The following RABEP1 variants were observed in gnomAD, a reference collection of about 807,000 sequenced individuals.
RABEP1 encodes rab GTPase-binding effector protein 1.
Under a neutral mutation model 123.4 loss-of-function variants are expected in RABEP1, and 51 were observed. The ratio of observed to expected loss-of-function variants is 0.41; its 90% CI spans 0.33 to 0.52. RABEP1 has a LOEUF of 0.52. Among genes scored for constraint, RABEP1 ranks in the 20% least tolerant of loss-of-function variants. RABEP1 has a pLI of 0.16. For synonymous variants in RABEP1, 347 were observed against 355.2 expected, an observed-to-expected ratio of 0.98 and a Z score of 0.26; for missense variants, 888 against 996.3, an observed-to-expected ratio of 0.89 and a Z score of 1.46.
intron 8 of RABEP1, chr17:5,360,938 T>G: frequency 2.3e-6 from 1 of 432,660 alleles, no homozygotes; most frequent in Non-Finnish European, 4.2e-6. Flanking sequence ...TATCACAGTA[T>G]TATAACAGTC....
intron 13 of RABEP1, among the ~76,000 whole-genome samples, chr17:5,373,826 G>C (rs1910747691): frequency 6.6e-6 from 1 of 151,568 alleles, no homozygotes; most frequent in South Asian, 2.1e-4. Flanking sequence ...TGCCTCTATA[G>C]ATTTCCCTAT....
chr17:5,352,254 A>G (rs1050000380), intron 7 of RABEP1, among the ~76,000 whole-genome samples: 1 of 151,352 alleles, frequency 6.6e-6, no homozygotes, highest in Non-Finnish European at 1.5e-5. Context: ...GCACAGTGGC[A>G]CAATCTTGGC....
At chr17:5,295,027 C>G (rs2075069396) in intron 1 of RABEP1, among the ~76,000 whole-genome samples, 1 of 151,646 alleles carries the variant, frequency 6.6e-6, no homozygotes, top group Non-Finnish European at 1.5e-5. Flanking sequence ...AATTACAGTA[C>G]TTTTATAGCA....
intron 14 of RABEP1, among the ~76,000 whole-genome samples, chr17:5,377,718 GGTTTCTCCAT>G (rs1911119287): frequency 6.6e-6 from 1 of 151,914 alleles, no homozygotes. Flanking sequence ...AGTAGAGACG[GGTTTCTCCAT>G]GTTGGTCAAG....
intron 8 of RABEP1, among the ~76,000 whole-genome samples, chr17:5,355,172 C>T (rs1457832878): frequency 2.0e-5 from 3 of 152,208 alleles, no homozygotes; most frequent in Non-Finnish European, 2.9e-5. Context: ...ACCATTGACT[C>T]CCATTACCTA....
At chr17:5,378,690 C>T (rs752476014) in intron 15 of RABEP1, 4 of 213,522 alleles carry the variant, frequency 1.9e-5, no homozygotes, top group Non-Finnish European at 2.8e-5. Flanking sequence ...CCCTGCTCTC[C>T]CCTTCCACAC....
chr17:5,294,633 C>CTTTTGTTTTTTT (rs2075063806), intron 1 of RABEP1, among the ~76,000 whole-genome samples: 1 of 53,022 alleles, frequency 1.9e-5, no homozygotes, highest in Non-Finnish European at 3.4e-5. Context: ...ACGGTATTGT[C>CTTTTGTTTTTTT]TTTTTTTTTT....
intron 11 of RABEP1, among the ~76,000 whole-genome samples, chr17:5,365,815 C>T (rs1909958062): frequency 1.3e-5 from 2 of 152,362 alleles, no homozygotes; most frequent in Non-Finnish European, 2.9e-5. Context: ...TTCCTCCGTT[C>T]AACAGTGTAC....
intron 1 of RABEP1, among the ~76,000 whole-genome samples, chr17:5,289,395 C>G (rs1284197375): frequency 6.9e-6 from 1 of 144,420 alleles, no homozygotes; most frequent in African/African-American, 2.5e-5. Context: ...ATGCAGAAAG[C>G]TTTAATTTTT....
At chr17:5,282,702 C>A (rs544525093) in intron 1 of RABEP1, among the ~76,000 whole-genome samples, 182 bp downstream of exon 1, 3 of 146,424 alleles carry the variant, frequency 2.0e-5, no homozygotes, top group Admixed American at 6.8e-5. Context: ...CCCCGGCTGC[C>A]GTCGCTGGGG....
chr17:5,291,650 G>A (rs570985448), intron 1 of RABEP1, among the ~76,000 whole-genome samples: 1 of 152,280 alleles, frequency 6.6e-6, no homozygotes, highest in African/African-American at 2.4e-5. Flanking sequence ...GCTCACGCCT[G>A]TAATCTCAGC....
At position 5,308,679 on chromosome 17, in the gene RABEP1, G is replaced by C; in HGVS notation, c.35-15G>C. 1 of 1,600,366 alleles carries C rather than the reference G, an allele frequency of 6.2e-7. No individual in the cohort carries two copies. Among genetic ancestry groups the C allele is most frequent in the Non-Finnish European group, 8.5e-7 (1 of 1,175,246 alleles). On this transcript the variant is annotated splice_polypyrimidine_tract_variant and intron_variant, in intron 1 of 17. Coordinates refer to ENST00000537505, the MANE Select transcript of RABEP1 (RefSeq NM_004703.6). ...TAAAAGTTATTACTTGTTAACTAGT[G>C]TTTTTTTCCCCCAGTTTCTCTTCAG...
rs893685334 is a variant in RABEP1, at chr17:5,282,346, C to T, written c.-141C>T. The T allele has an allele frequency of 9.8e-6, 6 of 612,878 alleles. No individual in the cohort carries two copies. The highest frequency in any genetic ancestry group is 3.9e-5 in the African/African-American group (2 of 51,850). 38.0% of individuals were successfully genotyped at this position (612,878 alleles called of 1,614,324 possible). The stretch of plus-strand genomic sequence containing the variant: ...TCTCTGCCCGCGGCTGTGGCGGCGC[C>T]GGCGGATCCAGCCTTAGCGGTTTCT... On this transcript the variant is annotated 5_prime_UTR_variant, in exon 1 of 18. Transcript: ENST00000537505.
At position 5,350,879 on chromosome 17, in the gene RABEP1, C is replaced by T. The variant is rs115070908; in HGVS notation, c.963+250C>T. ...TCAGTGACTGCAGGATGCAGCAGTG[C>T]GTATTTCGGAGAAAATCTTTCTCTC... On this transcript the variant is annotated intron_variant, in intron 7 of 17. Coordinates refer to ENST00000537505, the MANE Select transcript of RABEP1 (RefSeq NM_004703.6). Among the ~76,000 whole-genome samples the T allele has an allele frequency of 6.3e-4, 96 of 152,270 alleles. 1 individual carries two copies. The highest frequency in any genetic ancestry group is 2.1e-3 in the African/African-American group (86 of 41,546).
At chr17:5,367,414 G>A (rs1207528246) in intron 11 of RABEP1, among the ~76,000 whole-genome samples, 2 of 151,688 alleles carry the variant, frequency 1.3e-5, no homozygotes, top group Non-Finnish European at 1.5e-5. Context: ...TGGGACTACA[G>A]GCACCCGCCA....
chr17:5,363,168 G>T, intron 10 of RABEP1, 152 bp downstream of exon 10: 1 of 592,992 alleles, frequency 1.7e-6, no homozygotes, highest in Non-Finnish European at 3.0e-6. Flanking sequence ...TGCAATGGCA[G>T]TTACATTTCC....
intron 4 of RABEP1, among the ~76,000 whole-genome samples, chr17:5,336,001 A>G (rs7209903): frequency 0.12 from 18,895 of 152,160 alleles, 1,902 homozygotes; most frequent in East Asian, 0.49. Flanking sequence ...TGTACCACAT[A>G]TGCTTGAACA....
At chr17:5,329,019 CTTTTT>C (rs760060600) in intron 2 of RABEP1, among the ~76,000 whole-genome samples, 20 of 110,660 alleles carry the variant, frequency 1.8e-4, no homozygotes, top group East Asian at 1.0e-3. Context: ...TTCAGAAAGA[CTTTTT>C]TTTTTTTTTT....
chr17:5,354,320 G>T (rs1392127850), intron 7 of RABEP1, 39 bp from the exon 8 acceptor site: 1 of 1,557,782 alleles, frequency 6.4e-7, no homozygotes, highest in Non-Finnish European at 8.7e-7. Flanking sequence ...TATTAAGTAG[G>T]TTACTTGGGT....
Sources: gnomAD v4.1 joint callset for allele counts (sites outside exome capture counted in the v4.1 genomes callset) on GRCh38, gnomAD v4.1.1 for gene constraint, MANE v1.5 for transcripts, NCBI Gene and HGNC (gene_info 2026-07-23, HGNC 2026-07-21) for gene names.